The following GLYATL2 variants were observed in gnomAD, a reference collection of about 807,000 sequenced individuals.
The protein encoded by GLYATL2 is glycine N-acyltransferase-like protein 2.
In GLYATL2, 25 loss-of-function variants were observed where a neutral mutation model predicts 21.4. The observed-to-expected ratio is 1.17, with a 90% CI of 0.85 to 1.63. The LOEUF (loss-of-function observed/expected upper bound fraction) is 1.63, where lower values mean the gene tolerates loss of function less well. GLYATL2 is among the 40% of genes most tolerant of loss of function. The pLI is 0.00. For synonymous variants in GLYATL2, 114 were observed against 118.2 expected (o/e 0.96, Z 0.23); for missense variants, 361 against 343.3 (o/e 1.05, Z -0.41).
At chr11:58,887,334 C>T (rs1475953247) in intron 1 of GLYATL2, among the ~76,000 whole-genome samples, 2 of 152,084 alleles carry the variant, frequency 1.3e-5, no homozygotes, top group African/African-American at 2.4e-5. Context: ...TACCACGTTT[C>T]TTTCAGTATT....
chr11:58,838,216 G>A lies in GLYATL2; in HGVS notation c.186+45C>T, dbSNP rs763208576. ...GTTCCCTCATTGCCATGCAGAGAACGTCTGGAGAGTGACTACCCTCATATT... is the reference window on the plus strand; with the variant it reads ...GTTCCCTCATTGCCATGCAGAGAACATCTGGAGAGTGACTACCCTCATATT... On this transcript the variant is annotated intron_variant, in intron 3 of 5. Transcript: ENST00000287275. 26 of 1,247,996 alleles carry A rather than the reference G, an allele frequency of 2.1e-5. 1 individual carries two copies. Among genetic ancestry groups the A allele is most frequent in the South Asian group, 1.8e-4 (15 of 81,484 alleles). 77.3% of individuals were successfully genotyped at this position (1,247,996 alleles called of 1,614,324 possible). A position where few individuals can be genotyped will look rare whatever the true frequency, so the allele number is the denominator to read the frequency against.
chr11:58,858,522 G>C (rs1465292880), intron 1 of GLYATL2, among the ~76,000 whole-genome samples: 2 of 151,582 alleles, frequency 1.3e-5, no homozygotes, highest in Non-Finnish European at 2.9e-5. Context: ...TTGTCTCTGG[G>C]CAATGTGAGC....
At chr11:58,879,036 G>A (rs1036347626) in intron 1 of GLYATL2, among the ~76,000 whole-genome samples, 2 of 152,100 alleles carry the variant, frequency 1.3e-5, no homozygotes, top group African/African-American at 2.4e-5. Context: ...AAACAATCAT[G>A]GGACATGGGG....
At chr11:58,863,721 A>C (rs1475906622) in intron 1 of GLYATL2, among the ~76,000 whole-genome samples, 1 of 152,092 alleles carries the variant, frequency 6.6e-6, no homozygotes, top group Non-Finnish European at 1.5e-5. Context: ...CCTAGAACCT[A>C]GGTCTTCAGG....
intron 1 of GLYATL2, among the ~76,000 whole-genome samples, chr11:58,881,105 A>T (rs1590744329): frequency 1.3e-5 from 2 of 152,218 alleles, no homozygotes; most frequent in Admixed American, 6.5e-5. Context: ...CATGTTGATT[A>T]TTATGAAGTC....
intron 1 of GLYATL2, among the ~76,000 whole-genome samples, chr11:58,901,834 T>G (rs1487130092): frequency 1.3e-5 from 2 of 152,060 alleles, no homozygotes; most frequent in Non-Finnish European, 2.9e-5. Context: ...GAGGTAGACA[T>G]TGAACTAAAT....
At chr11:58,858,511 C>G (rs1240744849) in intron 1 of GLYATL2, among the ~76,000 whole-genome samples, 1 of 151,502 alleles carries the variant, frequency 6.6e-6, no homozygotes, top group Non-Finnish European at 1.5e-5. Context: ...TCCCTTTCCA[C>G]TTGTCTCTGG....
Position 58,867,860 on chromosome 11 carries a change from G to A in GLYATL2, n.61-29492C>T, listed in dbSNP as rs1854048316. On this transcript the variant is annotated intron_variant and non_coding_transcript_variant, in intron 1 of 4. Coordinates refer to the GLYATL2 transcript ENST00000533636. ...TGGACTTGGAGAATCCCCTGCTGGA[G>A]TCCTGCAGAGTAACCACTCTGTCAG... 6.7e-5 allele frequency among the ~76,000 whole-genome samples: 10 copies of A among 148,830 alleles called. 1 individual carries two copies. The Admixed American group carries it at 6.9e-4, about 10-fold the overall frequency.
chr11:58,842,459 C>A (rs1590716534), intron 1 of GLYATL2, among the ~76,000 whole-genome samples: 1 of 148,000 alleles, frequency 6.8e-6, no homozygotes, highest in East Asian at 2.0e-4. Context: ...CTAAATTGTC[C>A]CAGGATGAGT....
At chr11:58,881,531 A>T (rs2134612046) in intron 1 of GLYATL2, among the ~76,000 whole-genome samples, 1 of 152,322 alleles carries the variant, frequency 6.6e-6, no homozygotes, top group Non-Finnish European at 1.5e-5. Context: ...AAACTAAAGA[A>T]AATCTGTGCC....
At chr11:58,860,366 G>A (rs1276180178) in intron 1 of GLYATL2, among the ~76,000 whole-genome samples, 1 of 151,826 alleles carries the variant, frequency 6.6e-6, no homozygotes, top group Non-Finnish European at 1.5e-5. Flanking sequence ...TTTATGTTTT[G>A]TATCTATGCA....
Position 58,834,377 on chromosome 11 carries a change from A to T in GLYATL2, c.*52T>A. 2 of 1,424,262 alleles carry T rather than the reference A, an allele frequency of 1.4e-6. No homozygotes were observed. The highest frequency in any genetic ancestry group is 4.6e-5 in the East Asian group (2 of 43,808). The allele number at this position is 1,424,262 out of a possible 1,614,324, so 88.2% of individuals were successfully genotyped here. A position where few individuals can be genotyped will look rare whatever the true frequency, so the allele number is the denominator to read the frequency against. ...ATGTAGATCACAATGCTTGTGTTTGAATTAATGTTTTTTTACTGATAAGAA... is the reference window on the plus strand; with the variant it reads ...ATGTAGATCACAATGCTTGTGTTTGTATTAATGTTTTTTTACTGATAAGAA... On this transcript the variant is annotated 3_prime_UTR_variant, in exon 6 of 6. Transcript: ENST00000287275.
intron 1 of GLYATL2, among the ~76,000 whole-genome samples, chr11:58,900,931 GCTT>G (rs1223654932): frequency 2.6e-5 from 4 of 152,002 alleles, no homozygotes; most frequent in Admixed American, 2.6e-4. Flanking sequence ...TTTCTTCCCT[GCTT>G]CTTTTCTCCT....
chr11:58,857,931 C>T (rs1393525525), intron 1 of GLYATL2, among the ~76,000 whole-genome samples: 4 of 139,200 alleles, frequency 2.9e-5, no homozygotes, highest in African/African-American at 5.7e-5. Context: ...AACAAACAAA[C>T]AAAAAATATC....
intron 2 of GLYATL2, 75 bp from the exon 3 acceptor site, chr11:58,838,443 G>C: frequency 1.1e-6 from 1 of 934,552 alleles, no homozygotes; most frequent in Non-Finnish European, 1.7e-6. Flanking sequence ...GGAGAAATAA[G>C]ACATGACATG....
chr11:58,891,037 T>G (rs1207440867), intron 1 of GLYATL2, among the ~76,000 whole-genome samples: 1 of 152,184 alleles, frequency 6.6e-6, no homozygotes, highest in African/African-American at 2.4e-5. Context: ...TTGGCCATTT[T>G]CGGTCACTCC....
rs1410540880 is a variant in GLYATL2, at chr11:58,867,766, G to A, written n.61-29398C>T. ...ATCAAAACTGAGCTAGGCAGAGATA[G>A]CCTCAAGGCCGTGACACATAAGGCT... On this transcript the variant is annotated intron_variant and non_coding_transcript_variant, in intron 1 of 4. Coordinates refer to the GLYATL2 transcript ENST00000533636. Among the ~76,000 whole-genome samples the A allele has an allele frequency of 2.0e-5, 3 of 148,926 alleles. 1 individual carries two copies. The East Asian group carries it at 6.6e-4, about 33-fold the overall frequency.
chr11:58,846,173 G>C (rs982411938), upstream of GLYATL2, among the ~76,000 whole-genome samples: 1 of 152,080 alleles, frequency 6.6e-6, no homozygotes, highest in African/African-American at 2.4e-5. Context: ...GGATAGTTGA[G>C]AGAACACATA....
Position 58,865,361 on chromosome 11 carries a change from C to CTTGT in GLYATL2, n.61-26997_61-26994dup, listed in dbSNP as rs550712523. Among the ~76,000 whole-genome samples the CTTGT allele has an allele frequency of 1.8e-3, 265 of 148,872 alleles. 8 individuals are homozygous for CTTGT. Among genetic ancestry groups the CTTGT allele is most frequent in the African/African-American group, 5.6e-3 (231 of 41,356 alleles). Reference sequence around the variant, plus strand: ...CAAATTTTTCCTTAACAAAATAGGACTTGTTGTTCAAGATATTCAAGCCAG... The same window carrying CTTGT: ...CAAATTTTTCCTTAACAAAATAGGACTTGTTTGTTGTTCAAGATATTCAAGCCAG... On this transcript the variant is annotated intron_variant and non_coding_transcript_variant, in intron 1 of 4. Coordinates refer to the GLYATL2 transcript ENST00000533636.
Sources: gnomAD v4.1 joint callset for allele counts (sites outside exome capture counted in the v4.1 genomes callset) on GRCh38, gnomAD v4.1.1 for gene constraint, MANE v1.5 for transcripts, NCBI Gene and HGNC (gene_info 2026-07-23, HGNC 2026-07-21) for gene names.